Variants in SMCHD1 observed in about 807,000 individuals in gnomAD.
The protein encoded by SMCHD1 is structural maintenance of chromosomes flexible hinge domain-containing protein 1.
In SMCHD1, 78 loss-of-function variants were observed where a neutral mutation model predicts 254.7. That is an observed-to-expected ratio of 0.31 (90% CI 0.26 to 0.37). The LOEUF is 0.37. Ranked by LOEUF, SMCHD1 falls within the 10% of genes least tolerant of loss-of-function variation. The pLI is 1.00. For synonymous variants in SMCHD1, 766 were observed against 794.9 expected (o/e 0.96, Z 0.61); for missense variants, 1,840 against 2,408.1 (o/e 0.76, Z 4.94).
chr18:2,706,510 A>G, intron 15 of SMCHD1, 40 bp downstream of exon 15: 6 of 1,340,918 alleles, frequency 4.5e-6, no homozygotes, highest in Non-Finnish European at 5.2e-6. Flanking sequence ...AATAAGAAAA[A>G]TTGGAAAGAA....
chr18:2,796,970 T>G (rs1203659638), intron 47 of SMCHD1: 1 of 151,990 alleles, frequency 6.6e-6, no homozygotes. Context: ...AAAAATAAAG[T>G]AATAATGAAG....
chr18:2,799,104 G>A (rs2076314253), intron 47 of SMCHD1, among the ~76,000 whole-genome samples: 1 of 152,038 alleles, frequency 6.6e-6, no homozygotes, highest in Non-Finnish European at 1.5e-5. Flanking sequence ...TACTATACGT[G>A]AGTCACATAT....
chr18:2,793,656 C>CAAAAAAAAAAAAAAAAAAAAAAA (rs1277905569), intron 45 of SMCHD1, among the ~76,000 whole-genome samples: 15 of 43,888 alleles, frequency 3.4e-4, no homozygotes, highest in East Asian at 7.6e-4. Flanking sequence ...GACTCCGTCT[C>CAAAAAAAAAAAAAAAAAAAAAAA]AAAAAAAAAA....
intron 27 of SMCHD1, 110 bp from the exon 28 acceptor site, chr18:2,740,593 T>C (rs2075330711): frequency 2.2e-6 from 1 of 452,508 alleles, no homozygotes; most frequent in Non-Finnish European, 3.7e-6. Flanking sequence ...CAAAAATTAC[T>C]CAGTAAGAGA....
chr18:2,778,684 C>G (rs2076106046), intron 44 of SMCHD1, among the ~76,000 whole-genome samples: 1 of 152,132 alleles, frequency 6.6e-6, no homozygotes, highest in African/African-American at 2.4e-5. Context: ...TTGGTTACCT[C>G]TAAAGACTGT....
chr18:2,755,093 C>T (rs979209951), intron 34 of SMCHD1, among the ~76,000 whole-genome samples: 1 of 151,934 alleles, frequency 6.6e-6, no homozygotes, highest in African/African-American at 2.4e-5. Flanking sequence ...CTCACTATGT[C>T]ACCCAGGCTG....
Position 2,779,277 on chromosome 18 carries a change from C to T in SMCHD1, c.5547+1038C>T, listed in dbSNP as rs147310716. ...GTGGTGGCAGCTCTAAAATGCCTGC[C>T]TTATGTAGCTGGCAACTGGTACCTG... On this transcript the variant is annotated intron_variant, in intron 44 of 47. Coordinates refer to ENST00000320876, the MANE Select transcript of SMCHD1 (RefSeq NM_015295.3). Among the ~76,000 whole-genome samples, 430 of 152,206 alleles carry T rather than the reference C, an allele frequency of 2.8e-3. 3 individuals are homozygous for T. Among genetic ancestry groups the T allele is most frequent in the African/African-American group, 9.2e-3 (382 of 41,528 alleles).
At chr18:2,657,054 A>C (rs2073089983) in intron 1 of SMCHD1, among the ~76,000 whole-genome samples, 1 of 152,204 alleles carries the variant, frequency 6.6e-6, no homozygotes, top group Non-Finnish European at 1.5e-5. Flanking sequence ...GCTTTGAAGA[A>C]GGAATATTGT....
At chr18:2,759,849 C>A (rs1011453666) in intron 34 of SMCHD1, among the ~76,000 whole-genome samples, 1 of 152,152 alleles carries the variant, frequency 6.6e-6, no homozygotes, top group African/African-American at 2.4e-5. Context: ...GGATTACAGG[C>A]ATGAGCCACT....
At chr18:2,748,919 A>T (rs28690568) in intron 30 of SMCHD1, among the ~76,000 whole-genome samples, 1 of 152,142 alleles carries the variant, frequency 6.6e-6, no homozygotes, top group Non-Finnish European at 1.5e-5. Context: ...CAGAATCCCA[A>T]CAGGGATTTC....
At chr18:2,666,721 A>G in intron 2 of SMCHD1, 149 bp from the exon 3 acceptor site, 2 of 573,166 alleles carry the variant, frequency 3.5e-6, no homozygotes, top group Non-Finnish European at 3.0e-6. Context: ...AATATCCTTA[A>G]CATGACTTTG....
At chr18:2,799,711 C>G (rs1333312501) in intron 47 of SMCHD1, among the ~76,000 whole-genome samples, 1 of 152,042 alleles carries the variant, frequency 6.6e-6, no homozygotes, top group Non-Finnish European at 1.5e-5. Context: ...AGTGTTATTC[C>G]AATTGTTACT....
At chr18:2,694,386 A>T in intron 7 of SMCHD1, 141 bp from the exon 8 acceptor site, 1 of 690,240 alleles carries the variant, frequency 1.4e-6, no homozygotes, top group East Asian at 2.8e-5. Flanking sequence ...AGTTTGTTGT[A>T]TTGGGCCAGT....
intron 1 of SMCHD1, among the ~76,000 whole-genome samples, chr18:2,656,906 A>C (rs959874656): frequency 2.0e-5 from 3 of 152,146 alleles, no homozygotes; most frequent in Non-Finnish European, 4.4e-5. Flanking sequence ...AACCAAGTCA[A>C]AGGTTGGTAT....
At chr18:2,721,205 T>TG (rs1379647990) in intron 19 of SMCHD1, among the ~76,000 whole-genome samples, 1 of 152,196 alleles carries the variant, frequency 6.6e-6, no homozygotes, top group Non-Finnish European at 1.5e-5. Flanking sequence ...TTGATGTTCT[T>TG]GGGTCTTTCT....
At position 2,796,519 on chromosome 18, in the gene SMCHD1, T is replaced by C; in HGVS notation, c.5991T>C (p.Asn1997=). The change falls in exon 47 of 48, where the codon AAT becomes AAC. Residue 1997 remains asparagine, a splice_region_variant and synonymous_variant. Transcript: ENST00000320876. The part of the protein sequence containing the change: ...KRMRREATRQ[N]RIITKTDV Reference sequence around the variant, plus strand: ...TGAGACGAGAAGCTACAAGACAAAATAGGTGAGTTTGTTTGACCTGAGAAT... The same window carrying C: ...TGAGACGAGAAGCTACAAGACAAAACAGGTGAGTTTGTTTGACCTGAGAAT... 6.3e-7 allele frequency: 1 copy of C among 1,575,592 alleles called. No homozygotes were observed. Among genetic ancestry groups the C allele is most frequent in the Non-Finnish European group, 8.7e-7 (1 of 1,155,238 alleles).
In SMCHD1 at chr18:2,718,689, G is replaced by T. The variant is rs1397915249; in HGVS notation, c.2458+255G>T. 2.0e-5 allele frequency among the ~76,000 whole-genome samples: 3 copies of T among 152,046 alleles called. No individual in the cohort carries two copies. Among genetic ancestry groups the T allele is most frequent in the South Asian group, 4.2e-4 (2 of 4,816 alleles). On this transcript the variant is annotated intron_variant, in intron 19 of 47. Transcript: ENST00000320876. The surrounding 1 kb of genome is among the most constrained non-coding windows in gnomAD (Gnocchi z 4.6). ...TCCTGCCTCAGCCTCCCGAGTAGCT[G>T]GGATTACAGGCGCCCGCCACCACAC...
chr18:2,747,477 G>T (rs1489024517), intron 29 of SMCHD1, 45 bp from the exon 30 acceptor site: 11 of 1,520,712 alleles, frequency 7.2e-6, no homozygotes, highest in Non-Finnish European at 9.0e-6. Flanking sequence ...GCATTGTTTG[G>T]CCCATATATT....
chr18:2,694,290 A>G (rs1442718043), intron 7 of SMCHD1, among the ~76,000 whole-genome samples: 3 of 152,196 alleles, frequency 2.0e-5, no homozygotes, highest in Non-Finnish European at 4.4e-5. Context: ...GTTTAGCATT[A>G]TAAGATAGGG....
Sources: allele counts gnomAD v4.1 joint callset (sites outside exome capture counted in the v4.1 genomes callset), GRCh38; gene constraint gnomAD v4.1.1; non-coding constraint Gnocchi (gnomAD v3.1); transcripts MANE v1.5; gene names NCBI Gene and HGNC (gene_info 2026-07-23, HGNC 2026-07-21).